The following ANKRD55 variants were observed in gnomAD, a reference collection of about 807,000 sequenced individuals.
ANKRD55 encodes ankyrin repeat domain-containing protein 55.
A neutral mutation model predicts 60.6 loss-of-function variants in ANKRD55; 41 were observed. The ratio of observed to expected loss-of-function variants is 0.68; its 90% CI spans 0.53 to 0.88. The LOEUF (loss-of-function observed/expected upper bound fraction) is 0.88. Among genes scored for constraint, ANKRD55 ranks in the 40% least tolerant of loss-of-function variants. ANKRD55 has a pLI of 0.00. For missense variants in ANKRD55, 732 were observed against 767.6 expected, an observed-to-expected ratio of 0.95 and a Z score of 0.55; for synonymous variants, 264 against 290.3, an observed-to-expected ratio of 0.91 and a Z score of 0.92.
intron 2 of ANKRD55, among the ~76,000 whole-genome samples, chr5:56,187,642 C>T (rs779986320): frequency 6.6e-6 from 1 of 152,258 alleles, no homozygotes; most frequent in African/African-American, 2.4e-5. Context: ...GCGAGGCACC[C>T]ATTGCTGCTC....
chr5:56,165,884 A>ACGCCT (rs1433187771), intron 5 of ANKRD55, among the ~76,000 whole-genome samples: 1 of 152,098 alleles, frequency 6.6e-6, no homozygotes, highest in Admixed American at 6.6e-5. Context: ...AGCCAAGATT[A>ACGCCT]CGCCTTTACG....
rs779780930 is a variant in ANKRD55, at chr5:56,111,086, G to A, written c.1630+32C>T. The A allele has an allele frequency of 1.9e-6, 3 of 1,593,502 alleles. No individual in the cohort carries two copies. In the East Asian group the frequency reaches 6.7e-5, roughly 36 times the overall value. The stretch of plus-strand genomic sequence containing the variant: ...ACGGGACATTTCCAGTATAGAGCCT[G>A]CTGAGAATGAACATGAAATCAAGGA... On this transcript the variant is annotated intron_variant, in intron 10 of 11. Coordinates refer to ENST00000341048, the MANE Select transcript of ANKRD55 (RefSeq NM_024669.3).
chr5:56,155,131 C>T (rs1758159738), intron 6 of ANKRD55, among the ~76,000 whole-genome samples: 1 of 151,680 alleles, frequency 6.6e-6, no homozygotes, highest in African/African-American at 2.4e-5. Context: ...TTCTGTGGTC[C>T]CATCTACTCT....
At chr5:56,120,491 T>C (rs1182585703) in intron 8 of ANKRD55, among the ~76,000 whole-genome samples, 1 of 152,168 alleles carries the variant, frequency 6.6e-6, no homozygotes, top group Non-Finnish European at 1.5e-5. Context: ...TATTTTTGCT[T>C]TCAAAAGCCA....
At chr5:56,129,500 G>A (rs972863713) in intron 7 of ANKRD55, among the ~76,000 whole-genome samples, 3 of 152,270 alleles carry the variant, frequency 2.0e-5, no homozygotes, top group African/African-American at 7.2e-5. Context: ...CCTGTCATGA[G>A]TGGGGAGAGT....
chr5:56,116,815 C>CT, intron 8 of ANKRD55, 33 bp from the exon 9 acceptor site: 2 of 1,547,614 alleles, frequency 1.3e-6, no homozygotes, highest in Non-Finnish European at 8.7e-7. Flanking sequence ...GCACAAGCGT[C>CT]TGAGCATGTG....
intron 2 of ANKRD55, among the ~76,000 whole-genome samples, chr5:56,204,561 C>T (rs2111863120): frequency 6.6e-6 from 1 of 152,228 alleles, no homozygotes; most frequent in East Asian, 1.9e-4. Flanking sequence ...ACTTCTCCTT[C>T]CTGCTGCCAT....
At chr5:56,196,963 A>T (rs531200278) in intron 2 of ANKRD55, among the ~76,000 whole-genome samples, 1 of 152,326 alleles carries the variant, frequency 6.6e-6, no homozygotes, top group African/African-American at 2.4e-5. Flanking sequence ...CTACTAAATC[A>T]GATACTCTAG....
chr5:56,228,937 C>A (rs1254812578), intron 2 of ANKRD55, among the ~76,000 whole-genome samples: 5 of 152,152 alleles, frequency 3.3e-5, no homozygotes, highest in Admixed American at 6.5e-5. Context: ...TGGACCACAG[C>A]CCACACAGGT....
At chr5:56,199,763 C>A (rs1312814250) in intron 2 of ANKRD55, among the ~76,000 whole-genome samples, 1 of 151,514 alleles carries the variant, frequency 6.6e-6, no homozygotes, top group Admixed American at 6.6e-5. Context: ...TGGTGGCGGG[C>A]GCCTGTAGTC....
intron 4 of ANKRD55, among the ~76,000 whole-genome samples, chr5:56,171,980 A>G (rs1042328894): frequency 6.6e-6 from 1 of 151,998 alleles, no homozygotes. Context: ...TTAGCTGGGA[A>G]TGGTGGCGGG....
rs565383804 is a variant in ANKRD55, at chr5:56,154,074, G to A, written c.483+5759C>T. 1.1e-3 allele frequency among the ~76,000 whole-genome samples: 170 copies of A among 151,474 alleles called. 1 individual carries two copies. The highest frequency in any genetic ancestry group is 3.9e-3 in the African/African-American group (160 of 41,246). ...AAAATACAAAAAAAATTAGCTGGGC[G>A]TGGTGACGGGTGCCTGTAGTCCCAG... On this transcript the variant is annotated intron_variant, in intron 6 of 11. Coordinates refer to ENST00000341048, the MANE Select transcript of ANKRD55 (RefSeq NM_024669.3).
intron 2 of ANKRD55, among the ~76,000 whole-genome samples, chr5:56,232,440 C>A (rs152313): frequency 0.42 from 63,781 of 151,976 alleles, 16,214 homozygotes; most frequent in East Asian, 0.86. Flanking sequence ...CTGGGCTAAT[C>A]GAATGACAAA....
At chr5:56,106,675 G>A (rs1440182895) in intron 10 of ANKRD55, among the ~76,000 whole-genome samples, 1 of 151,874 alleles carries the variant, frequency 6.6e-6, no homozygotes, top group African/African-American at 2.4e-5. Flanking sequence ...CAGGTGATCC[G>A]CCTACCTTGG....
At chr5:56,160,001 A>T in intron 5 of ANKRD55, 108 bp from the exon 6 acceptor site, 2 of 882,748 alleles carry the variant, frequency 2.3e-6, no homozygotes, top group Non-Finnish European at 3.7e-6. Context: ...GAAAGACTCC[A>T]AATGAAGATG....
At position 56,130,356 on chromosome 5, in the gene ANKRD55, C is replaced by A. The variant is rs555964785; in HGVS notation, c.613-3250G>T. Among the ~76,000 whole-genome samples, 5 of 152,236 alleles carry A rather than the reference C, an allele frequency of 3.3e-5. 1 individual carries two copies. The highest frequency in any genetic ancestry group is 4.8e-5 in the African/African-American group (2 of 41,534). On this transcript the variant is annotated intron_variant, in intron 7 of 11. Coordinates refer to ENST00000341048, the MANE Select transcript of ANKRD55 (RefSeq NM_024669.3). ...TCTAGCTTTCCACATGGGAGCAGAACAATACCCAACTCCAGCCCACTCTAG... is the reference window on the plus strand; with the variant it reads ...TCTAGCTTTCCACATGGGAGCAGAAAAATACCCAACTCCAGCCCACTCTAG...
intron 7 of ANKRD55, among the ~76,000 whole-genome samples, chr5:56,134,557 T>A (rs1757505716): frequency 9.3e-6 from 1 of 107,958 alleles, no homozygotes; most frequent in African/African-American, 3.1e-5. Flanking sequence ...CCAGCCTGGG[T>A]GACAGAGTGA....
At chr5:56,156,690 C>T (rs1051956294) in intron 6 of ANKRD55, among the ~76,000 whole-genome samples, 1 of 152,164 alleles carries the variant, frequency 6.6e-6, no homozygotes, top group African/African-American at 2.4e-5. Flanking sequence ...ACATGGACTC[C>T]GCCACTCCAG....
At chr5:56,189,667 T>C (rs1469250712) in intron 2 of ANKRD55, among the ~76,000 whole-genome samples, 1 of 152,252 alleles carries the variant, frequency 6.6e-6, no homozygotes, top group African/African-American at 2.4e-5. Flanking sequence ...TCTCCCTTTT[T>C]AAGATTTAAT....
Sources: gnomAD v4.1 joint callset for allele counts (sites outside exome capture counted in the v4.1 genomes callset) on GRCh38, gnomAD v4.1.1 for gene constraint, MANE v1.5 for transcripts, NCBI Gene and HGNC (gene_info 2026-07-23, HGNC 2026-07-21) for gene names.